Variants in INPP5D observed in about 807,000 individuals in gnomAD.
INPP5D encodes the protein inositol polyphosphate-5-phosphatase D, also known as phosphatidylinositol 3,4,5-trisphosphate 5-phosphatase 1.
In INPP5D, 33 loss-of-function variants were observed where a neutral mutation model predicts 122.9. That is an observed-to-expected ratio of 0.27 (90% confidence interval 0.20 to 0.36). The LOEUF (loss-of-function observed/expected upper bound fraction) is 0.36, where lower values mean the gene tolerates loss of function less well. Ranked by LOEUF, INPP5D falls within the 10% of genes least tolerant of loss-of-function variation. The probability of loss-of-function intolerance (pLI) is 1.00; values close to 1 mark genes in which losing one functional copy is unlikely to be tolerated. For synonymous variants in INPP5D, 584 were observed against 576.2 expected (o/e 1.01, Z -0.19); for missense variants, 1,053 against 1,412.7 (o/e 0.75, Z 4.08).
At chr2:233,118,257 T>C (rs901182987) in intron 2 of INPP5D, among the ~76,000 whole-genome samples, 1 of 152,192 alleles carries the variant, frequency 6.6e-6, no homozygotes, top group African/African-American at 2.4e-5. Context: ...CACTCTGCCC[T>C]GTCCCCTCGG....
chr2:233,129,530 A>C (rs147835841), intron 4 of INPP5D, among the ~76,000 whole-genome samples: 1 of 152,338 alleles, frequency 6.6e-6, no homozygotes, highest in Non-Finnish European at 1.5e-5. Context: ...CTCTGCCACC[A>C]GGGTTGATCT....
In INPP5D at chr2:233,146,349, T is replaced by C. The variant is rs1241332709; in HGVS notation, c.835-18T>C. ...CGGCGTCCCCTTGACCCTCTGTCTCTAACGCTGCTGCCCACAGGTCAAGGC... is the reference window on the plus strand; with the variant it reads ...CGGCGTCCCCTTGACCCTCTGTCTCCAACGCTGCTGCCCACAGGTCAAGGC... On this transcript the variant is annotated intron_variant, in intron 7 of 26. Coordinates refer to ENST00000445964, the MANE Select transcript of INPP5D (RefSeq NM_001017915.3). 2.8e-6 allele frequency: 2 copies of C among 704,196 alleles called. No individual in the cohort carries two copies. Among genetic ancestry groups the C allele is most frequent in the Non-Finnish European group, 5.2e-6 (2 of 385,020 alleles). The allele number at this position is 704,196 out of a possible 1,614,324, so 43.6% of individuals were successfully genotyped here. A position where few individuals can be genotyped will look rare whatever the true frequency, so the allele number is the denominator to read the frequency against.
chr2:233,184,284 C>T, intron 19 of INPP5D, 124 bp from the exon 20 acceptor site: 1 of 1,364,096 alleles, frequency 7.3e-7, no homozygotes, highest in Non-Finnish European at 9.9e-7. Flanking sequence ...TAGTTCTCCT[C>T]CCACTAGACT....
Position 233,060,512 on chromosome 2 carries a change from C to T in INPP5D, c.34C>T (p.Arg12Cys). 5 of 1,613,000 alleles carry T rather than the reference C, an allele frequency of 3.1e-6. No individual in the cohort carries two copies. The highest frequency in any genetic ancestry group is 4.2e-6 in the Non-Finnish European group (5 of 1,179,418). The change falls in exon 1 of 27, where the codon CGC (arginine) becomes TGC (cysteine). Residue 12 changes from arginine to cysteine, a missense_variant. Coordinates refer to ENST00000445964, the MANE Select transcript of INPP5D (RefSeq NM_001017915.3). Reference sequence around the variant, plus strand: ...CTGCTGGAACCATGGCAACATCACCCGCTCCAAGGCGGAGGAGCTGCTTTC... The same window carrying T: ...CTGCTGGAACCATGGCAACATCACCTGCTCCAAGGCGGAGGAGCTGCTTTC... ...VPCWNHGNIT[R>C]SKAEELLSRT...
intron 13 of INPP5D, among the ~76,000 whole-genome samples, chr2:233,168,499 C>A (rs1694404727): frequency 6.6e-6 from 1 of 152,232 alleles, no homozygotes; most frequent in South Asian, 2.1e-4. Flanking sequence ...ACAACTGTCA[C>A]AATGCTTCAG....
chr2:233,133,557 C>T (rs1267898428), intron 5 of INPP5D, among the ~76,000 whole-genome samples: 2 of 152,180 alleles, frequency 1.3e-5, no homozygotes, highest in Non-Finnish European at 2.9e-5. Flanking sequence ...TTTAGGTGAA[C>T]AGCAACTTCT....
chr2:233,097,700 A>C (rs4973607), intron 2 of INPP5D, among the ~76,000 whole-genome samples: 107,103 of 151,952 alleles, frequency 0.7, 37,960 homozygotes, highest in Middle Eastern at 0.8. Context: ...TCATTTTAAT[A>C]GTTTCTGAAT....
chr2:233,166,572 G>A (rs968667958), intron 13 of INPP5D, among the ~76,000 whole-genome samples: 34 of 152,154 alleles, frequency 2.2e-4, no homozygotes, highest in African/African-American at 8.2e-4. Context: ...CTTCTGGGCT[G>A]TGCAGCTCAC....
chr2:233,067,531 A>G (rs1319640351), intron 1 of INPP5D, among the ~76,000 whole-genome samples: 2 of 152,236 alleles, frequency 1.3e-5, no homozygotes, highest in Non-Finnish European at 2.9e-5. Flanking sequence ...GTGCAAACAT[A>G]TATTTTCAAT....
chr2:233,108,575 C>G (rs899601370), intron 2 of INPP5D, among the ~76,000 whole-genome samples: 3 of 152,158 alleles, frequency 2.0e-5, no homozygotes, highest in Admixed American at 2.0e-4. Context: ...TTTCTCTCCC[C>G]CCAAGTGCAG....
intron 9 of INPP5D, among the ~76,000 whole-genome samples, chr2:233,150,137 A>G (rs747498415): frequency 2.6e-5 from 4 of 152,172 alleles, no homozygotes; most frequent in South Asian, 2.1e-4. Context: ...ATCTGTTGAT[A>G]TGATTTGGCT....
chr2:233,099,399 G>A (rs1376919658), intron 2 of INPP5D, among the ~76,000 whole-genome samples: 1 of 152,204 alleles, frequency 6.6e-6, no homozygotes, highest in Non-Finnish European at 1.5e-5. Context: ...ACATTGGAAG[G>A]CCTGCCTCCT....
chr2:233,173,967 G>A (rs1205134035), intron 17 of INPP5D, among the ~76,000 whole-genome samples: 2 of 151,910 alleles, frequency 1.3e-5, no homozygotes, highest in Non-Finnish European at 2.9e-5. Context: ...GCACACATTA[G>A]CCTAGGCTGA....
At position 233,206,710 on chromosome 2, in the gene INPP5D, G is replaced by A. The variant is rs1695515565; in HGVS notation, c.*2G>A. 1.3e-6 allele frequency: 1 copy of A among 772,288 alleles called. No individual in the cohort carries two copies. The highest frequency in any genetic ancestry group is 2.4e-6 in the Non-Finnish European group (1 of 414,392). 47.8% of individuals were successfully genotyped at this position (772,288 alleles called of 1,614,324 possible). A position where few individuals can be genotyped will look rare whatever the true frequency, so the allele number is the denominator to read the frequency against. ...CCTTCTGTTCTTGTCCCACAGTGAA[G>A]CCCTCAGTGAGCTGCCACTGAGTCG... On this transcript the variant is annotated 3_prime_UTR_variant, in exon 27 of 27. Transcript: ENST00000445964. This position sits in a 1 kb window ranked among gnomAD's most constrained non-coding sequence, Gnocchi z 4.0.
At chr2:233,193,787 C>T in intron 22 of INPP5D, 25 bp from the exon 23 acceptor site, 1 of 1,613,772 alleles carries the variant, frequency 6.2e-7, no homozygotes, top group African/African-American at 1.3e-5. Context: ...GGTCTTCACC[C>T]AGCTGTCTCC....
chr2:233,147,323 G>A (rs1693790608), intron 8 of INPP5D, 148 bp from the exon 9 acceptor site: 3 of 606,758 alleles, frequency 4.9e-6, no homozygotes, highest in Non-Finnish European at 5.9e-6. Context: ...ACATGCACGT[G>A]CGCCGCTGGG....
At chr2:233,190,047 T>A (rs1695013797) in intron 22 of INPP5D, 110 bp downstream of exon 22, 3 of 1,487,294 alleles carry the variant, frequency 2.0e-6, no homozygotes, top group Non-Finnish European at 2.7e-6. Flanking sequence ...CTCCTGCCTC[T>A]CCTTTCCTCA....
intron 2 of INPP5D, among the ~76,000 whole-genome samples, chr2:233,113,698 C>T (rs932825528): frequency 6.6e-6 from 1 of 152,174 alleles, no homozygotes; most frequent in Non-Finnish European, 1.5e-5. Context: ...TCTCGCTTGT[C>T]GACCGTGCCC....
At chr2:233,158,274 G>T in intron 9 of INPP5D, 39 bp from the exon 10 acceptor site, 1 of 689,768 alleles carries the variant, frequency 1.4e-6, no homozygotes, top group South Asian at 1.5e-5. Context: ...TTGGTTGAAT[G>T]AGTGGATGAA....
Sources: gnomAD v4.1 joint callset for allele counts (sites outside exome capture counted in the v4.1 genomes callset) on GRCh38, gnomAD v4.1.1 for gene constraint, Gnocchi (gnomAD v3.1) non-coding constraint, MANE v1.5 for transcripts, NCBI Gene and HGNC (gene_info 2026-07-23, HGNC 2026-07-21) for gene names.